The following EPG5 variants were observed in gnomAD, a reference collection of about 807,000 sequenced individuals.
The protein encoded by EPG5 is ectopic P-granules 5 autophagy tethering factor.
In EPG5, 159 loss-of-function variants were observed where a neutral mutation model predicts 302.7. The observed-to-expected ratio is 0.53, with a 90% confidence interval of 0.46 to 0.60. The LOEUF (loss-of-function observed/expected upper bound fraction) is 0.60, where lower values mean the gene tolerates loss of function less well. Among genes scored for constraint, EPG5 ranks in the 20% least tolerant of loss-of-function variants. EPG5 has a pLI of 0.00. For missense variants in EPG5, 2,896 were observed against 3,092.4 expected, an observed-to-expected ratio of 0.94 and a Z score of 1.51; for synonymous variants, 1,158 against 1,136.8, an observed-to-expected ratio of 1.02 and a Z score of -0.37.
chr18:45,860,130 G>A lies in EPG5; in HGVS notation c.6983C>T (p.Ala2328Val), dbSNP rs1446560293. 1.9e-6 allele frequency: 3 copies of A among 1,614,236 alleles called. No homozygotes were observed. Among genetic ancestry groups the A allele is most frequent in the East Asian group, 4.5e-5 (2 of 44,890 alleles). ...SVRHMAETTE[A>V]CITAYFKESP... ...TTCTTTGAAGTAGGCAGTGATGCAG[G>A]CTTCTGTAGTCTCAGCCATGTGGCG... The change falls in exon 40 of 44, where the codon GCC becomes GTC. Residue 2328 changes from alanine to valine, a missense_variant. Physicochemically the swap from Ala to Val is moderately conservative, Grantham distance 64. Transcript: ENST00000282041.
chr18:45,933,655 G>A (rs1179680585), intron 11 of EPG5, among the ~76,000 whole-genome samples: 3 of 148,962 alleles, frequency 2.0e-5, no homozygotes, highest in Admixed American at 6.7e-5. Flanking sequence ...TCCAGCCGGG[G>A]CAATGCTCAT....
At chr18:45,882,745 C>T (rs1481636421) in intron 30 of EPG5, among the ~76,000 whole-genome samples, 1 of 152,074 alleles carries the variant, frequency 6.6e-6, no homozygotes, top group Non-Finnish European at 1.5e-5. Context: ...CGGTGGCTCA[C>T]ACCTGTAATC....
chr18:45,889,117 C>A (rs1278526532), intron 28 of EPG5, among the ~76,000 whole-genome samples: 1 of 152,160 alleles, frequency 6.6e-6, no homozygotes, highest in Non-Finnish European at 1.5e-5. Context: ...ACTCGATGCT[C>A]CCCTCCATAC....
chr18:45,845,734 G>C (rs2048358024), downstream of EPG5, among the ~76,000 whole-genome samples: 1 of 152,214 alleles, frequency 6.6e-6, no homozygotes, highest in South Asian at 2.1e-4. Context: ...CTCTTCCCAG[G>C]GGCTTCTGAC....
intron 22 of EPG5, among the ~76,000 whole-genome samples, chr18:45,911,236 G>A (rs1475322273): frequency 2.0e-5 from 3 of 149,652 alleles, no homozygotes; most frequent in Non-Finnish European, 3.0e-5. Context: ...TGACTCTCCT[G>A]CCTCAGCCTC....
the EPG5 span, among the ~76,000 whole-genome samples, chr18:45,830,579 C>CTTTCT: frequency 1.0e-5 from 1 of 96,806 alleles, no homozygotes; most frequent in Non-Finnish European, 2.1e-5. Context: ...AGATATTTTT[C>CTTTCT]TTTCTTTTTT....
chr18:45,814,441 A>C, the EPG5 span, among the ~76,000 whole-genome samples: 1 of 152,242 alleles, frequency 6.6e-6, no homozygotes, highest in Non-Finnish European at 1.5e-5. Flanking sequence ...TTGAGATAAG[A>C]AGTAAAAATT....
rs1355292746 is a variant in EPG5, at chr18:45,849,259, C to G, written c.*3208G>C. The G allele has an allele frequency of 2.0e-5, 3 of 152,138 alleles. No homozygotes were observed. Among genetic ancestry groups the G allele is most frequent in the African/African-American group, 7.2e-5 (3 of 41,400 alleles). The allele number at this position is 152,138 out of a possible 1,614,324, so 9.4% of individuals were successfully genotyped here. A position where few individuals can be genotyped will look rare whatever the true frequency, so the allele number is the denominator to read the frequency against. The stretch of plus-strand genomic sequence containing the variant: ...GAACTGCTCTGGACAGAACCACGAC[C>G]AATAGGCAACGTAGAAACATCTTGG... On this transcript the variant is annotated 3_prime_UTR_variant, in exon 44 of 44. Coordinates refer to ENST00000282041, the MANE Select transcript of EPG5 (RefSeq NM_020964.3).
At chr18:45,927,035 CTT>C (rs372779886) in intron 13 of EPG5, among the ~76,000 whole-genome samples, 18 of 137,958 alleles carry the variant, frequency 1.3e-4, no homozygotes, top group Admixed American at 1.5e-4. Flanking sequence ...TTTTTCTTTT[CTT>C]TTTTTTTTTT....
rs1001602323 is a variant in EPG5 at position 45,889,725 on chromosome 18, G to A, written c.4952+73C>T. 8 of 1,399,090 alleles carry A rather than the reference G, an allele frequency of 5.7e-6. No individual in the cohort carries two copies. The African/African-American group carries it at 8.6e-5, about 15-fold the overall frequency. 86.7% of individuals were successfully genotyped at this position (1,399,090 alleles called of 1,614,324 possible). ...TGTGGGTGCTGCAGGGGTGGTGGTG[G>A]TATAGTAGCATGTATGATTACTATT... On this transcript the variant is annotated intron_variant, in intron 28 of 43. Coordinates refer to ENST00000282041, the MANE Select transcript of EPG5 (RefSeq NM_020964.3).
chr18:45,820,095 T>G, the EPG5 span, among the ~76,000 whole-genome samples: 1 of 152,142 alleles, frequency 6.6e-6, no homozygotes, highest in Non-Finnish European at 1.5e-5. Context: ...AATATGGCCT[T>G]TCCCATGTGA....
At chr18:45,878,542 G>T in intron 33 of EPG5, 94 bp from the exon 34 acceptor site, 1 of 772,782 alleles carries the variant, frequency 1.3e-6, no homozygotes. Flanking sequence ...CTTATTATCT[G>T]TAGCTTCATA....
the EPG5 span, among the ~76,000 whole-genome samples, chr18:45,835,078 G>GA: frequency 4.3e-4 from 63 of 145,136 alleles, no homozygotes; most frequent in South Asian, 1.3e-3. Context: ...CATTTGTCCA[G>GA]AAAAAAAAAA....
intron 10 of EPG5, among the ~76,000 whole-genome samples, chr18:45,937,530 C>T (rs745395393): frequency 9.9e-5 from 15 of 152,046 alleles, no homozygotes; most frequent in Admixed American, 6.6e-4. Flanking sequence ...CCTCAGCCTC[C>T]CGAGTAGCTG....
At chr18:45,890,029 A>T in intron 27 of EPG5, 89 bp from the exon 28 acceptor site, 1 of 1,138,804 alleles carries the variant, frequency 8.8e-7, no homozygotes, top group Non-Finnish European at 1.2e-6. Context: ...TTATTGTCTT[A>T]TAAAAATACC....
At chr18:45,864,873 C>T (rs75033355) in intron 39 of EPG5, among the ~76,000 whole-genome samples, 1,572 of 152,324 alleles carry the variant, frequency 0.01, 8 homozygotes, top group Non-Finnish European at 0.014. Context: ...AACCTAACAA[C>T]GAGGCCAAAA....
the EPG5 span, chr18:45,829,038 G>A: frequency 1.0e-6 from 1 of 959,634 alleles, no homozygotes; most frequent in Non-Finnish European, 1.2e-6. Flanking sequence ...AGGAGTGAAG[G>A]GAGCAGGGAT....
intron 28 of EPG5, 104 bp downstream of exon 28, chr18:45,889,693 AT>A: frequency 9.6e-7 from 1 of 1,043,282 alleles, no homozygotes; most frequent in Non-Finnish European, 1.3e-6. Flanking sequence ...TCTGTACTAA[AT>A]TAACCTGTGG....
At chr18:45,949,430 G>T in intron 5 of EPG5, 54 bp downstream of exon 5, 1 of 967,030 alleles carries the variant, frequency 1.0e-6, no homozygotes, top group Non-Finnish European at 1.6e-6. Flanking sequence ...CAGGAATAAT[G>T]TCTAATAAAA....
Sources: gnomAD v4.1 joint callset for allele counts (sites outside exome capture counted in the v4.1 genomes callset) on GRCh38, gnomAD v4.1.1 for gene constraint, MANE v1.5 for transcripts, NCBI Gene and HGNC (gene_info 2026-07-23, HGNC 2026-07-21) for gene names.